Variants in MPDZ observed in about 807,000 individuals in gnomAD.
MPDZ encodes multiple PDZ domain protein.
Under a neutral mutation model 239.1 loss-of-function variants are expected in MPDZ, and 234 were observed. The ratio of observed to expected loss-of-function variants is 0.98; its 90% CI spans 0.88 to 1.09. MPDZ has a LOEUF of 1.09. Ranked by LOEUF, MPDZ falls within the 50% of genes least tolerant of loss-of-function variation. MPDZ has a pLI of 0.00. For synonymous variants in MPDZ, 1,048 were observed against 881.3 expected (o/e 1.19, Z -3.35); for missense variants, 3,175 against 2,510.0 (o/e 1.26, Z -5.66).
At chr9:13,158,661 C>G (rs1169097227) in intron 23 of MPDZ, among the ~76,000 whole-genome samples, 1 of 152,136 alleles carries the variant, frequency 6.6e-6, no homozygotes, top group Non-Finnish European at 1.5e-5. Context: ...TCCAGAGGAA[C>G]CTGGCACAGA....
At position 13,106,818 on chromosome 9, in the gene MPDZ, G is replaced by C. The variant is rs1941527560; in HGVS notation, c.*147C>G. 2.4e-6 allele frequency: 2 copies of C among 818,796 alleles called. No homozygotes were observed. The highest frequency in any genetic ancestry group is 3.4e-5 in the African/African-American group (2 of 59,124). The allele number at this position is 818,796 out of a possible 1,614,324, so 50.7% of individuals were successfully genotyped here. ...GTTGTCAGTAAGGAAAGCATTTCTA[G>C]ATGAGAAAAAGAAACTTAAGTGTTA... On this transcript the variant is annotated 3_prime_UTR_variant, in exon 47 of 47. Coordinates refer to ENST00000319217, the MANE Select transcript of MPDZ (RefSeq NM_001378778.1).
chr9:13,119,731 C>G (rs1446106706), intron 38 of MPDZ, 82 bp from the exon 39 acceptor site: 9 of 1,549,252 alleles, frequency 5.8e-6, no homozygotes, highest in Middle Eastern at 1.7e-4. Context: ...ACGTTTTTAC[C>G]CAAAATTTTT....
rs1974218440 is a variant in MPDZ at position 13,276,433 on chromosome 9, G to A, written c.-58+2967C>T. On this transcript the variant is annotated intron_variant, in intron 1 of 46. Transcript: ENST00000319217. ...TCCTATGCATGACACTAATTTACAA[G>A]AAAAAATGAAACCTTTATTGTTATA... 4 of 152,148 alleles carry A rather than the reference G, an allele frequency of 2.6e-5. No homozygotes were observed. The South Asian group carries it at 8.3e-4, about 32-fold the overall frequency. 9.4% of individuals were successfully genotyped at this position (152,148 alleles called of 1,614,324 possible).
At chr9:13,221,306 A>G (rs1226162917) in intron 7 of MPDZ, 66 bp downstream of exon 7, 1 of 1,439,818 alleles carries the variant, frequency 6.9e-7, no homozygotes. Flanking sequence ...TTCCAACAAA[A>G]AAATGTAAAA....
chr9:13,233,794 A>G (rs1963209878), intron 3 of MPDZ, among the ~76,000 whole-genome samples: 1 of 152,188 alleles, frequency 6.6e-6, no homozygotes. Flanking sequence ...ATCCGCAACT[A>G]TGAATTTAAA....
At chr9:13,221,618 T>C (rs1959104500) in intron 6 of MPDZ, 118 bp from the exon 7 acceptor site, 1 of 1,054,314 alleles carries the variant, frequency 9.5e-7, no homozygotes, top group Admixed American at 2.7e-5. Context: ...TCAGACATAA[T>C]AATGAGTCCT....
At chr9:13,199,364 C>A (rs1458872149) in intron 12 of MPDZ, among the ~76,000 whole-genome samples, 3 of 152,038 alleles carry the variant, frequency 2.0e-5, no homozygotes, top group South Asian at 2.1e-4. Context: ...TATCCTGCAA[C>A]TTTACTAAAT....
chr9:13,109,733 T>C (rs1030662006), intron 45 of MPDZ, among the ~76,000 whole-genome samples: 3 of 152,224 alleles, frequency 2.0e-5, no homozygotes, highest in South Asian at 2.1e-4. Flanking sequence ...CACGCATATC[T>C]ATCTAGCTAG....
intron 2 of MPDZ, among the ~76,000 whole-genome samples, chr9:13,248,886 T>A (rs1447295936): frequency 1.5e-5 from 2 of 136,126 alleles, no homozygotes; most frequent in Non-Finnish European, 3.0e-5. Context: ...GGCAAGAAAA[T>A]CCCTTGAACT....
rs2136351129 is a variant in MPDZ, at chr9:13,223,564, A to C, written c.533+7T>G. 6.2e-7 allele frequency: 1 copy of C among 1,603,948 alleles called. No homozygotes were observed. Among genetic ancestry groups the C allele is most frequent in the South Asian group, 1.1e-5 (1 of 88,916 alleles). ...CAAAAACAAAGAAGACGCCGCGACCATCTCACCTATGGGCCACACTGCCCT... is the reference window on the plus strand; with the variant it reads ...CAAAAACAAAGAAGACGCCGCGACCCTCTCACCTATGGGCCACACTGCCCT... On this transcript the variant is annotated splice_region_variant and intron_variant, in intron 5 of 46. Transcript: ENST00000319217.
In MPDZ at chr9:13,221,393, C is replaced by T. The variant is rs369284173; in HGVS notation, c.855G>A (p.Leu285=). 2 of 1,609,588 alleles carry T rather than the reference C, an allele frequency of 1.2e-6. No homozygotes were observed. The highest frequency in any genetic ancestry group is 2.2e-5 in the East Asian group (1 of 44,696). The part of the protein sequence containing the change: ...KATGVIVKTI[L]PGGVADQHGR... ...CTACCTGATCAGCTACTCCTCCAGG[C>T]AGAATGGTTTTTACTATCACACCAG... Residue 285 remains leucine, a synonymous_variant, in exon 7 of 47, where the codon CTG becomes CTA. Transcript: ENST00000319217.
At chr9:13,168,770 C>G (rs1385398102) in intron 21 of MPDZ, among the ~76,000 whole-genome samples, 1 of 151,566 alleles carries the variant, frequency 6.6e-6, no homozygotes, top group Non-Finnish European at 1.5e-5. Flanking sequence ...TGTATATAGT[C>G]AATACATTAT....
At chr9:13,119,273 T>A (rs1943972281) in intron 39 of MPDZ, among the ~76,000 whole-genome samples, 1 of 152,072 alleles carries the variant, frequency 6.6e-6, no homozygotes. Context: ...TTTGTAGAGA[T>A]GGGATTTTGC....
At chr9:13,107,511 A>T (rs1941679726) in intron 46 of MPDZ, among the ~76,000 whole-genome samples, 1 of 152,222 alleles carries the variant, frequency 6.6e-6, no homozygotes, top group South Asian at 2.1e-4. Context: ...AGGTAGGAAC[A>T]AAAACAGTTT....
At chr9:13,189,512 G>C (rs1243627673) in intron 16 of MPDZ, among the ~76,000 whole-genome samples, 3 of 152,150 alleles carry the variant, frequency 2.0e-5, no homozygotes, top group East Asian at 1.9e-4. Context: ...TTTTAACAAG[G>C]CTCCAGAGTC....
chr9:13,147,748 GA>G, intron 25 of MPDZ, 90 bp from the exon 26 acceptor site: 1 of 900,414 alleles, frequency 1.1e-6, no homozygotes, highest in Non-Finnish European at 1.7e-6. Flanking sequence ...TACTTGGTTA[GA>G]CTCCTAGAAA....
chr9:13,190,821 C>G (rs1954814955), intron 15 of MPDZ, among the ~76,000 whole-genome samples: 1 of 151,996 alleles, frequency 6.6e-6, no homozygotes, highest in African/African-American at 2.4e-5. Flanking sequence ...CAGATTTGCC[C>G]CCAGCTTGAA....
intron 3 of MPDZ, among the ~76,000 whole-genome samples, chr9:13,242,575 GA>G (rs1156390927): frequency 6.6e-6 from 1 of 150,564 alleles, no homozygotes; most frequent in Admixed American, 6.6e-5. Flanking sequence ...GTACATACTA[GA>G]ACAATTAGAA....
intron 3 of MPDZ, among the ~76,000 whole-genome samples, 153 bp downstream of exon 3, chr9:13,247,482 G>T (rs1966831323): frequency 6.6e-6 from 1 of 152,140 alleles, no homozygotes; most frequent in Non-Finnish European, 1.5e-5. Context: ...GAGGAAAAAA[G>T]CCACAGTGAA....
Sources: gnomAD v4.1 joint callset for allele counts (sites outside exome capture counted in the v4.1 genomes callset) on GRCh38, gnomAD v4.1.1 for gene constraint, MANE v1.5 for transcripts, NCBI Gene and HGNC (gene_info 2026-07-23, HGNC 2026-07-21) for gene names.